Variants in ACVR1C observed in about 807,000 individuals in gnomAD.
ACVR1C encodes the protein activin A receptor type 1C.
A neutral mutation model predicts 57.9 loss-of-function variants in ACVR1C; 23 were observed. The ratio of observed to expected loss-of-function variants is 0.40; its 90% confidence interval spans 0.29 to 0.56. The LOEUF is 0.56. ACVR1C is among the 20% of genes least tolerant of loss of function. The probability of loss-of-function intolerance (pLI) is 0.50; values close to 1 mark genes in which losing one functional copy is unlikely to be tolerated. For synonymous variants in ACVR1C, 214 were observed against 215.3 expected (o/e 0.99, Z 0.05); for missense variants, 480 against 607.9 (o/e 0.79, Z 2.21).
At chr2:157,568,679 G>T (rs1688457358) in intron 2 of ACVR1C, among the ~76,000 whole-genome samples, 1 of 61,920 alleles carries the variant, frequency 1.6e-5, no homozygotes, top group African/African-American at 6.5e-5. Context: ...AAATATTTAT[G>T]CACCCAATAC....
chr2:157,605,872 T>C (rs942023213), intron 1 of ACVR1C, among the ~76,000 whole-genome samples: 1 of 151,692 alleles, frequency 6.6e-6, no homozygotes, highest in Non-Finnish European at 1.5e-5. Flanking sequence ...GCCCCTAATC[T>C]GCTATCAAAC....
In ACVR1C at chr2:157,587,173, G is replaced by A. The variant is rs774851494; in HGVS notation, c.304+14C>T. 32 of 1,588,928 alleles carry A rather than the reference G, an allele frequency of 2.0e-5. No individual in the cohort carries two copies. The highest frequency in any genetic ancestry group is 2.8e-5 in the Non-Finnish European group (32 of 1,157,392). On this transcript the variant is annotated intron_variant, in intron 2 of 8. Coordinates refer to ENST00000243349, the MANE Select transcript of ACVR1C (RefSeq NM_145259.3). ...TAAAATTAAATTCGGAATGAACAAA[G>A]ATAAACCCCTTACCTGTTGGAAGGT...
chr2:157,590,638 T>A (rs531046824), intron 1 of ACVR1C, among the ~76,000 whole-genome samples: 1 of 151,968 alleles, frequency 6.6e-6, no homozygotes, highest in Non-Finnish European at 1.5e-5. Flanking sequence ...TTAATAAATA[T>A]ACTTTTTCAT....
At chr2:157,580,091 A>G (rs150617787) in intron 2 of ACVR1C, among the ~76,000 whole-genome samples, 53 of 151,182 alleles carry the variant, frequency 3.5e-4, no homozygotes, top group African/African-American at 1.1e-3. Context: ...ACAAACACAC[A>G]CGCGCGCACG....
intron 1 of ACVR1C, among the ~76,000 whole-genome samples, chr2:157,622,075 A>G (rs979577153): frequency 6.6e-6 from 1 of 152,174 alleles, no homozygotes; most frequent in East Asian, 1.9e-4. Flanking sequence ...TCATTTGTGT[A>G]TCATTTATGA....
At chr2:157,565,853 G>A (rs1357548487) in intron 2 of ACVR1C, among the ~76,000 whole-genome samples, 4 of 152,138 alleles carry the variant, frequency 2.6e-5, no homozygotes, top group Non-Finnish European at 4.4e-5. Context: ...TCAAGAGGCT[G>A]CAAATCTTCT....
intron 1 of ACVR1C, among the ~76,000 whole-genome samples, chr2:157,614,417 C>T (rs1163128717): frequency 6.6e-6 from 1 of 152,116 alleles, no homozygotes; most frequent in East Asian, 1.9e-4. Flanking sequence ...TATGCCCCCA[C>T]AATATGGTCT....
chr2:157,553,464 C>G (rs1687970220), intron 3 of ACVR1C, among the ~76,000 whole-genome samples: 1 of 151,604 alleles, frequency 6.6e-6, no homozygotes, highest in Non-Finnish European at 1.5e-5. Context: ...TCAGTAATTC[C>G]AGATTTAGGT....
intron 8 of ACVR1C, 70 bp from the exon 9 acceptor site, chr2:157,534,113 G>A (rs1292034050): frequency 1.6e-6 from 2 of 1,239,264 alleles, no homozygotes; most frequent in South Asian, 4.8e-5. Flanking sequence ...AAGAAGTAAA[G>A]CCATAAATCC....
At chr2:157,534,554 A>T (rs1173431185) in intron 8 of ACVR1C, among the ~76,000 whole-genome samples, 1 of 152,180 alleles carries the variant, frequency 6.6e-6, no homozygotes, top group Non-Finnish European at 1.5e-5. Context: ...GTGTAAACGT[A>T]CGAAAAAAAA....
chr2:157,606,394 T>C (rs189474746), intron 1 of ACVR1C, among the ~76,000 whole-genome samples: 63 of 151,952 alleles, frequency 4.1e-4, no homozygotes, highest in African/African-American at 1.3e-3. Context: ...TCCATAGTGA[T>C]TGTACTAGTT....
At chr2:157,544,664 CA>C (rs1387681854) in intron 4 of ACVR1C, 52 bp from the exon 5 acceptor site, 2 of 1,474,248 alleles carry the variant, frequency 1.4e-6, no homozygotes, top group African/African-American at 1.4e-5. Flanking sequence ...AGAAAGAAGC[CA>C]AAAGCTTTTA....
At chr2:157,593,364 T>C (rs927959443) in intron 1 of ACVR1C, among the ~76,000 whole-genome samples, 1 of 152,172 alleles carries the variant, frequency 6.6e-6, no homozygotes, top group Non-Finnish European at 1.5e-5. Context: ...ATTACTACGT[T>C]TCCTTTGTTT....
At chr2:157,627,125 A>T (rs762789939) in intron 1 of ACVR1C, among the ~76,000 whole-genome samples, 1 of 152,200 alleles carries the variant, frequency 6.6e-6, no homozygotes, top group Non-Finnish European at 1.5e-5. Context: ...CAGCCAAGTT[A>T]TCAGCTCCTC....
At chr2:157,608,226 G>C (rs1682451190) in intron 1 of ACVR1C, among the ~76,000 whole-genome samples, 1 of 151,820 alleles carries the variant, frequency 6.6e-6, no homozygotes, top group Admixed American at 6.6e-5. Context: ...TACTTTTTCT[G>C]CATCTGTTGA....
chr2:157,628,346 C>T (rs1489967536), intron 1 of ACVR1C, among the ~76,000 whole-genome samples: 1 of 152,162 alleles, frequency 6.6e-6, no homozygotes, highest in Non-Finnish European at 1.5e-5. Context: ...TTTCCCTCTT[C>T]CGGGCGGCTT....
At position 157,553,804 on chromosome 2, in the gene ACVR1C, T is replaced by A. The variant is rs931946934; in HGVS notation, c.544+2289A>T. On this transcript the variant is annotated intron_variant, in intron 3 of 8. Transcript: ENST00000243349. ...GTCTCTGTGCCTAGAATGTTGTCAATATTCAAGAAATCAGGGCACAGTGGG... is the reference window on the plus strand; with the variant it reads ...GTCTCTGTGCCTAGAATGTTGTCAAAATTCAAGAAATCAGGGCACAGTGGG... Among the ~76,000 whole-genome samples the A allele has an allele frequency of 2.0e-5, 3 of 152,146 alleles. No homozygotes were observed. The East Asian group carries it at 5.8e-4, about 29-fold the overall frequency.
Position 157,532,044 on chromosome 2 carries a change from G to C in ACVR1C, c.*1874C>G, listed in dbSNP as rs1016658631. Reference sequence around the variant, plus strand: ...CTCTATGATTATTTAATAAGTGGATGAGAGCATTAACGAGTATGGAAGTAC... The same window carrying C: ...CTCTATGATTATTTAATAAGTGGATCAGAGCATTAACGAGTATGGAAGTAC... On this transcript the variant is annotated 3_prime_UTR_variant, in exon 9 of 9. Coordinates refer to ENST00000243349, the MANE Select transcript of ACVR1C (RefSeq NM_145259.3). 1.1e-4 allele frequency: 17 copies of C among 152,108 alleles called. No individual in the cohort carries two copies. Among genetic ancestry groups the C allele is most frequent in the African/African-American group, 4.1e-4 (17 of 41,436 alleles). The allele number at this position is 152,108 out of a possible 1,614,324, so 9.4% of individuals were successfully genotyped here. A position where few individuals can be genotyped will look rare whatever the true frequency, so the allele number is the denominator to read the frequency against.
chr2:157,555,101 CTTTTTTTTTT>C (rs60269781), intron 3 of ACVR1C, among the ~76,000 whole-genome samples: 5 of 83,946 alleles, frequency 6.0e-5, no homozygotes, highest in African/African-American at 1.8e-4. Flanking sequence ...ACTTTGAACG[CTTTTTTTTTT>C]TTTTTTTTTT....
Sources: gnomAD v4.1 joint callset for allele counts (sites outside exome capture counted in the v4.1 genomes callset) on GRCh38, gnomAD v4.1.1 for gene constraint, MANE v1.5 for transcripts, NCBI Gene and HGNC (gene_info 2026-07-23, HGNC 2026-07-21) for gene names.